The following DENND10 variants were observed in gnomAD, a reference collection of about 807,000 sequenced individuals.
DENND10 encodes DENN domain-containing protein 10.
DENND10 carries 24 observed loss-of-function variants against 43.6 expected under a neutral mutation model. That is an observed-to-expected ratio of 0.55 (90% CI 0.40 to 0.77). The LOEUF is 0.77. Ranked by LOEUF, DENND10 falls within the 30% of genes least tolerant of loss-of-function variation. DENND10 has a pLI of 0.00. For synonymous variants in DENND10, 125 were observed against 157.6 expected (o/e 0.79, Z 1.55); for missense variants, 303 against 429.9 (o/e 0.70, Z 2.61).
intron 1 of DENND10, 54 bp downstream of exon 1, chr10:119,104,251 C>T: frequency 3.4e-6 from 5 of 1,460,580 alleles, no homozygotes; most frequent in Non-Finnish European, 4.5e-6. Flanking sequence ...TGCCTCTGCT[C>T]CACCTCGGCC....
At chr10:119,108,787 T>C (rs1844827891) in intron 2 of DENND10, among the ~76,000 whole-genome samples, 1 of 151,414 alleles carries the variant, frequency 6.6e-6, no homozygotes, top group Admixed American at 6.6e-5. Flanking sequence ...CCCGAGTAGC[T>C]GGGATTGCAG....
rs1452467781 is a variant in DENND10 at position 119,115,360 on chromosome 10, C to G, written c.333-2159C>G. 6.9e-5 allele frequency among the ~76,000 whole-genome samples: 10 copies of G among 144,392 alleles called. No individual in the cohort carries two copies. In the Admixed American group the frequency reaches 7.0e-4, roughly 10 times the overall value. The allele number at this position is 144,392 out of a possible 152,430, so 94.7% of individuals were successfully genotyped here. A position where few individuals can be genotyped will look rare whatever the true frequency, so the allele number is the denominator to read the frequency against. On this transcript the variant is annotated intron_variant, in intron 3 of 8. Coordinates refer to ENST00000361432, the MANE Select transcript of DENND10 (RefSeq NM_207009.4). ...TCATTGTTCTCTACTTTTTTTCCGT[C>G]AAGTTGTGAATTGAATTGGTAATTT...
chr10:119,124,497 A>G (rs1845738433), intron 6 of DENND10, among the ~76,000 whole-genome samples: 1 of 151,782 alleles, frequency 6.6e-6, no homozygotes, highest in African/African-American at 2.4e-5. Flanking sequence ...GCTGAGACTG[A>G]GCCACTGCAC....
intron 6 of DENND10, among the ~76,000 whole-genome samples, chr10:119,128,607 A>AAC (rs1845936703): frequency 6.6e-6 from 1 of 150,560 alleles, no homozygotes; most frequent in African/African-American, 2.4e-5. Flanking sequence ...GACTGTCTCA[A>AAC]AAAAAAAAAA....
intron 1 of DENND10, chr10:119,105,443 C>G: frequency 1.3e-6 from 1 of 771,682 alleles, no homozygotes; most frequent in Non-Finnish European, 1.8e-6. Context: ...TGCACCACCA[C>G]CCGATTAATT....
intron 1 of DENND10, among the ~76,000 whole-genome samples, chr10:119,107,180 G>A (rs1309249253): frequency 6.6e-6 from 1 of 152,018 alleles, no homozygotes; most frequent in Non-Finnish European, 1.5e-5. Context: ...AGCTGGGCAT[G>A]GTGGTGGGCA....
intron 5 of DENND10, among the ~76,000 whole-genome samples, chr10:119,120,865 A>C (rs1845539850): frequency 6.6e-6 from 1 of 151,968 alleles, no homozygotes. Flanking sequence ...TTTCAGGTAA[A>C]TTGTTCCTTC....
chr10:119,111,467 A>C (rs2133465339), intron 2 of DENND10, among the ~76,000 whole-genome samples: 1 of 152,026 alleles, frequency 6.6e-6, no homozygotes, highest in Non-Finnish European at 1.5e-5. Context: ...AGGTAAAATA[A>C]AATAGTAAAA....
At chr10:119,118,754 T>C (rs1198056939) in intron 4 of DENND10, among the ~76,000 whole-genome samples, 6 of 152,012 alleles carry the variant, frequency 3.9e-5, no homozygotes, top group Non-Finnish European at 5.9e-5. Context: ...CACTGTAGCC[T>C]TAACTTCCTG....
chr10:119,135,675 G>A (rs184471824), intron 8 of DENND10, among the ~76,000 whole-genome samples: 25 of 151,316 alleles, frequency 1.7e-4, no homozygotes, highest in African/African-American at 5.3e-4. Context: ...ATTGTGTAAT[G>A]GGTAGAGTTT....
chr10:119,128,720 T>C (rs7898792), intron 6 of DENND10, among the ~76,000 whole-genome samples: 9,941 of 152,104 alleles, frequency 0.065, 845 homozygotes, highest in African/African-American at 0.19. Flanking sequence ...TGTGGAGGCC[T>C]CAGGAAACTT....
intron 1 of DENND10, among the ~76,000 whole-genome samples, chr10:119,107,576 GTAT>G (rs1465328149): frequency 1.3e-5 from 2 of 151,896 alleles, no homozygotes; most frequent in Non-Finnish European, 2.9e-5. Context: ...GATAATTTTT[GTAT>G]TATTAGTAGA....
chr10:119,126,297 C>T (rs2133513110), intron 6 of DENND10, among the ~76,000 whole-genome samples: 1 of 152,186 alleles, frequency 6.6e-6, no homozygotes, highest in African/African-American at 2.4e-5. Flanking sequence ...ACACTGATTT[C>T]CTTTTTTGGG....
chr10:119,105,477 A>T (rs1844647997), intron 1 of DENND10: 1 of 1,117,190 alleles, frequency 9.0e-7, no homozygotes, highest in Non-Finnish European at 1.2e-6. Context: ...TGGAGATGGG[A>T]TACCGACATG....
In DENND10 at chr10:119,113,511, ATGT is replaced by A. The variant is rs564975892; in HGVS notation, c.332+1588_332+1590del. Among the ~76,000 whole-genome samples, 230 of 151,100 alleles carry A rather than the reference ATGT, an allele frequency of 1.5e-3. 2 individuals are homozygous for A. The highest frequency in any genetic ancestry group is 5.3e-3 in the African/African-American group (219 of 41,182). On this transcript the variant is annotated intron_variant, in intron 3 of 8. Transcript: ENST00000361432. ...TGCACCTAGCCCTTTAAAAAAAAAA[ATGT>A]TGTTACTAGATAGAATTATAATTCT...
chr10:119,128,618 CAAAA>C (rs1433961741), intron 6 of DENND10, among the ~76,000 whole-genome samples: 40 of 131,640 alleles, frequency 3.0e-4, no homozygotes, highest in Non-Finnish European at 5.5e-4. Context: ...AAAAAAAAAA[CAAAA>C]AAACTGAGAC....
chr10:119,129,145 G>A (rs1845967411), intron 6 of DENND10, among the ~76,000 whole-genome samples: 1 of 152,078 alleles, frequency 6.6e-6, no homozygotes. Flanking sequence ...TCCACTCTGA[G>A]AACCCAGGCA....
intron 4 of DENND10, among the ~76,000 whole-genome samples, chr10:119,119,103 T>C (rs1230938004): frequency 6.7e-6 from 1 of 150,048 alleles, no homozygotes; most frequent in East Asian, 2.0e-4. Flanking sequence ...ATCCTCCGCC[T>C]CCTGGGTTCA....
chr10:119,111,790 TA>T lies in DENND10; in HGVS notation c.253-54del, dbSNP rs1844987909. 3 of 1,322,444 alleles carry T rather than the reference TA, an allele frequency of 2.3e-6. No individual in the cohort carries two copies. In the Admixed American group the frequency reaches 5.2e-5, roughly 23 times the overall value. The allele number at this position is 1,322,444 out of a possible 1,614,324, so 81.9% of individuals were successfully genotyped here. On this transcript the variant is annotated intron_variant, in intron 2 of 8. Transcript: ENST00000361432. ...CAAAAGGTTTGTTAGAATATAGTAATAAAAATTCTGCTAAAGTGTATTTAAA... is the reference window on the plus strand; with the variant it reads ...CAAAAGGTTTGTTAGAATATAGTAATAAAATTCTGCTAAAGTGTATTTAAA...
Sources: allele counts gnomAD v4.1 joint callset (sites outside exome capture counted in the v4.1 genomes callset), GRCh38; gene constraint gnomAD v4.1.1; transcripts MANE v1.5; gene names NCBI Gene and HGNC (gene_info 2026-07-23, HGNC 2026-07-21).